The following UMAD1 variants were observed in gnomAD, a reference collection of about 807,000 sequenced individuals.
The protein encoded by UMAD1 is UBAP1-MVB12-associated (UMA)-domain containing protein 1.
Under a neutral mutation model 6.1 loss-of-function variants are expected in UMAD1, and 8 were observed. The observed-to-expected ratio is 1.30, with a 90% CI of 0.76 to 2.35. The LOEUF (loss-of-function observed/expected upper bound fraction) is 2.35. UMAD1 is among the 30% of genes most tolerant of loss of function. UMAD1 has a pLI of 0.00. For synonymous variants in UMAD1, 56 were observed against 31.4 expected, an observed-to-expected ratio of 1.78 and a Z score of -2.61; for missense variants, 130 against 78.4, an observed-to-expected ratio of 1.66 and a Z score of -2.49.
chr7:7,859,216 G>A (rs1563265738), intron 3 of UMAD1, among the ~76,000 whole-genome samples: 1 of 152,044 alleles, frequency 6.6e-6, no homozygotes, highest in Non-Finnish European at 1.5e-5. Flanking sequence ...TGTCTCTATT[G>A]TGAACTCATT....
At chr7:7,694,016 G>A (rs1780244052) in intron 2 of UMAD1, among the ~76,000 whole-genome samples, 1 of 152,032 alleles carries the variant, frequency 6.6e-6, no homozygotes, top group African/African-American at 2.4e-5. Context: ...TTGATATAAG[G>A]CAACTGAGTT....
At chr7:7,740,478 C>T (rs1409580223) in intron 2 of UMAD1, among the ~76,000 whole-genome samples, 1 of 152,206 alleles carries the variant, frequency 6.6e-6, no homozygotes, top group Non-Finnish European at 1.5e-5. Context: ...GACAAGTTTT[C>T]TATCAACTCT....
chr7:7,655,301 T>C (rs1258429659), intron 1 of UMAD1, among the ~76,000 whole-genome samples: 2 of 152,236 alleles, frequency 1.3e-5, no homozygotes, highest in African/African-American at 4.8e-5. Flanking sequence ...AAGGATTTCA[T>C]GTTTGAAATC....
intron 3 of UMAD1, among the ~76,000 whole-genome samples, chr7:7,803,658 G>T (rs1782847676): frequency 6.6e-6 from 1 of 151,296 alleles, no homozygotes; most frequent in African/African-American, 2.4e-5. Context: ...GGCTGGAAAG[G>T]CCAAGGTCAA....
intron 2 of UMAD1, among the ~76,000 whole-genome samples, chr7:7,748,735 A>T (rs1781621884): frequency 6.6e-6 from 1 of 151,900 alleles, no homozygotes; most frequent in Non-Finnish European, 1.5e-5. Context: ...ATTTATAGAC[A>T]TATAAGTATA....
chr7:7,818,325 A>G (rs533665875), intron 3 of UMAD1, among the ~76,000 whole-genome samples: 1 of 152,264 alleles, frequency 6.6e-6, no homozygotes, highest in African/African-American at 2.4e-5. Context: ...GTTCTTTTTT[A>G]TGGCTACATA....
intron 2 of UMAD1, among the ~76,000 whole-genome samples, chr7:7,738,094 A>T (rs1259040175): frequency 3.2e-5 from 4 of 126,924 alleles, no homozygotes; most frequent in South Asian, 5.3e-4. Context: ...AAACGGGTAT[A>T]TTTTTTTTGA....
At chr7:7,763,975 G>C (rs1781940224) in intron 2 of UMAD1, among the ~76,000 whole-genome samples, 1 of 152,168 alleles carries the variant, frequency 6.6e-6, no homozygotes, top group Non-Finnish European at 1.5e-5. Flanking sequence ...CAGTAGAAAA[G>C]AAGATACCAA....
intron 2 of UMAD1, among the ~76,000 whole-genome samples, chr7:7,762,213 A>G (rs1419230545): frequency 6.6e-6 from 1 of 152,160 alleles, no homozygotes; most frequent in Non-Finnish European, 1.5e-5. Context: ...AATTATTTAC[A>G]TTGGCTGTGT....
At chr7:7,717,060 C>CTTTTTTTTTTT (rs766644906) in intron 2 of UMAD1, among the ~76,000 whole-genome samples, 1 of 141,602 alleles carries the variant, frequency 7.1e-6, no homozygotes, top group African/African-American at 2.6e-5. Context: ...TTCTTTTTTT[C>CTTTTTTTTTTT]TTTTTTTTTT....
At chr7:7,873,191 C>G (rs540891455) in intron 3 of UMAD1, among the ~76,000 whole-genome samples, 1 of 152,126 alleles carries the variant, frequency 6.6e-6, no homozygotes, top group East Asian at 1.9e-4. Flanking sequence ...TTGCCCAAGG[C>G]CATTTGCTTA....
At chr7:7,741,583 ATAATAATAAT>A (rs1781465924) in intron 2 of UMAD1, among the ~76,000 whole-genome samples, 2 of 74,122 alleles carry the variant, frequency 2.7e-5, no homozygotes, top group African/African-American at 8.1e-5. Context: ...TCTCAAAATA[ATAATAATAAT>A]AATAATAATA....
intron 2 of UMAD1, among the ~76,000 whole-genome samples, chr7:7,729,426 C>T (rs1210026154): frequency 1.3e-5 from 2 of 152,184 alleles, no homozygotes; most frequent in South Asian, 2.1e-4. Context: ...ACTTTGTTCT[C>T]TCAGACAGAT....
chr7:7,813,903 G>T (rs1783073224), intron 3 of UMAD1, among the ~76,000 whole-genome samples: 1 of 152,180 alleles, frequency 6.6e-6, no homozygotes, highest in South Asian at 2.1e-4. Context: ...TATTATGGAG[G>T]TGTTACTAAG....
chr7:7,701,843 G>A (rs1013289296), intron 2 of UMAD1, among the ~76,000 whole-genome samples: 2 of 152,084 alleles, frequency 1.3e-5, no homozygotes, highest in Non-Finnish European at 2.9e-5. Context: ...GAGGATGCCT[G>A]GGTGTATTTG....
chr7:7,692,206 C>CTGGTGG (rs1417953881), intron 2 of UMAD1: 1 of 152,202 alleles, frequency 6.6e-6, no homozygotes, highest in African/African-American at 2.4e-5. Context: ...AGAGAAGGGA[C>CTGGTGG]TGGTGGTGGT....
At chr7:7,693,550 T>C (rs1003158032) in intron 2 of UMAD1, among the ~76,000 whole-genome samples, 1 of 152,146 alleles carries the variant, frequency 6.6e-6, no homozygotes, top group African/African-American at 2.4e-5. Flanking sequence ...TTCATGAAAC[T>C]AGAACTTCCA....
chr7:7,688,538 C>T (rs1780093006), intron 2 of UMAD1, among the ~76,000 whole-genome samples: 1 of 152,094 alleles, frequency 6.6e-6, no homozygotes, highest in East Asian at 1.9e-4. Flanking sequence ...TTGTCTGTGT[C>T]GTGTTCAGTG....
intron 2 of UMAD1, among the ~76,000 whole-genome samples, chr7:7,696,172 A>AT: frequency 6.6e-6 from 1 of 151,720 alleles, no homozygotes; most frequent in East Asian, 1.9e-4. Flanking sequence ...TGCCCAGCTA[A>AT]TTTTTTTATT....
Sources: allele counts gnomAD v4.1 joint callset (sites outside exome capture counted in the v4.1 genomes callset), GRCh38; gene constraint gnomAD v4.1.1; transcripts MANE v1.5; gene names NCBI Gene and HGNC (gene_info 2026-07-23, HGNC 2026-07-21).